Variants in TOX3 observed in about 807,000 individuals in gnomAD.
TOX3 encodes the protein TOX high mobility group box family member 3, also known as CAG trinucleotide repeat-containing gene F9 protein.
In TOX3, 22 loss-of-function variants were observed where a neutral mutation model predicts 64.3. That is an observed-to-expected ratio of 0.34 (90% CI 0.24 to 0.49). TOX3 has a LOEUF of 0.49. Among genes scored for constraint, TOX3 ranks in the 20% least tolerant of loss-of-function variants. The pLI, the probability that TOX3 is intolerant of heterozygous loss-of-function variation, is 0.99. For missense variants in TOX3, 661 were observed against 714.4 expected (o/e 0.93, Z 0.85); for synonymous variants, 291 against 273.6 (o/e 1.06, Z -0.63).
chr16:52,483,242 T>C (rs75464656), intron 1 of TOX3, among the ~76,000 whole-genome samples: 3,857 of 152,268 alleles, frequency 0.025, 133 homozygotes, highest in East Asian at 0.19. Flanking sequence ...ACACTGAATA[T>C]CTTAATGCAC....
In TOX3 at chr16:52,463,959, A is replaced by G; in HGVS notation, c.383T>C (p.Val128Ala). 2 of 1,576,632 alleles carry G rather than the reference A, an allele frequency of 1.3e-6. No individual in the cohort carries two copies. Among genetic ancestry groups the G allele is most frequent in the Non-Finnish European group, 1.7e-6 (2 of 1,159,356 alleles). ...CATATGCAACCCACTGCTATGAAGC[A>G]CGCCATCTTGTTCCACGAGATTTCT... ...ISRNLVEQDG[V>A]LHSSGLHMDQ... is the part of the protein sequence containing the mutation. The change falls in exon 3 of 7, where the codon GTG (valine) becomes GCG (alanine). Residue 128 changes from valine (V) to alanine (A), a missense_variant. Val to Ala is a moderately conservative substitution (Grantham distance 64, BLOSUM62 0). Coordinates refer to ENST00000219746, the MANE Select transcript of TOX3 (RefSeq NM_001080430.4).
At chr16:52,452,228 G>A (rs2151747460) in intron 3 of TOX3, among the ~76,000 whole-genome samples, 1 of 152,330 alleles carries the variant, frequency 6.6e-6, no homozygotes, top group East Asian at 1.9e-4. Flanking sequence ...GCAAGGAGGG[G>A]AGAGTTTCAA....
intron 1 of TOX3, among the ~76,000 whole-genome samples, chr16:52,514,209 G>A (rs1301604589): frequency 1.3e-5 from 2 of 152,168 alleles, no homozygotes; most frequent in African/African-American, 4.8e-5. Context: ...AAATAATGGA[G>A]TCAAATCCTG....
intron 1 of TOX3, among the ~76,000 whole-genome samples, chr16:52,485,135 ATGTGTGTATATG>A (rs891872878): frequency 9.2e-5 from 10 of 108,606 alleles, no homozygotes; most frequent in Admixed American, 7.2e-4. Context: ...GTGTATACAT[ATGTGTGTATATG>A]TGTGTGTATA....
intron 2 of TOX3, 46 bp from the exon 3 acceptor site, chr16:52,464,234 T>C (rs1167281131): frequency 7.2e-7 from 1 of 1,395,856 alleles, no homozygotes; most frequent in Non-Finnish European, 9.4e-7. Context: ...TGTTCCTATA[T>C]CTTATTCCTC....
intron 4 of TOX3, among the ~76,000 whole-genome samples, chr16:52,449,955 A>T (rs1000431780): frequency 6.6e-6 from 1 of 152,236 alleles, no homozygotes; most frequent in South Asian, 2.1e-4. Flanking sequence ...AATTTCTGGA[A>T]TGTCTAGAAT....
chr16:52,537,344 C>T (rs554806005), intron 1 of TOX3, among the ~76,000 whole-genome samples: 121 of 152,276 alleles, frequency 7.9e-4, no homozygotes, highest in African/African-American at 2.8e-3. Flanking sequence ...ATAGAATATC[C>T]AGGTGACCTA....
chr16:52,496,950 A>G (rs1009927682), intron 1 of TOX3, among the ~76,000 whole-genome samples: 2 of 152,004 alleles, frequency 1.3e-5, no homozygotes, highest in Non-Finnish European at 2.9e-5. Flanking sequence ...CAAAAACAAA[A>G]CCCCTGCAAT....
Position 52,508,581 on chromosome 16 carries a change from G to A in TOX3, c.87+38056C>T, listed in dbSNP as rs573363477. 2.3e-4 allele frequency among the ~76,000 whole-genome samples: 35 copies of A among 152,036 alleles called. No homozygotes were observed. The Middle Eastern group carries it at 0.014, about 59-fold the overall frequency. ...ATCATTCCACTTATAAAGAAACCAG[G>A]AATATGTACAACTAAGCAATATATT... On this transcript the variant is annotated intron_variant, in intron 1 of 6. Coordinates refer to ENST00000219746, the MANE Select transcript of TOX3 (RefSeq NM_001080430.4).
intron 1 of TOX3, among the ~76,000 whole-genome samples, chr16:52,536,935 T>G (rs891452506): frequency 4.0e-5 from 6 of 151,846 alleles, no homozygotes; most frequent in African/African-American, 1.5e-4. Context: ...TTCAGCCATC[T>G]TCCCTTTCTT....
chr16:52,495,195 T>C (rs78592318), intron 1 of TOX3, among the ~76,000 whole-genome samples: 3,896 of 152,282 alleles, frequency 0.026, 135 homozygotes, highest in East Asian at 0.19. Flanking sequence ...TAAGACATCA[T>C]AATAAAACTT....
At chr16:52,498,553 C>T (rs1961912445) in intron 1 of TOX3, among the ~76,000 whole-genome samples, 1 of 152,140 alleles carries the variant, frequency 6.6e-6, no homozygotes, top group Non-Finnish European at 1.5e-5. Flanking sequence ...GACCTGCCTC[C>T]CAACATCCCT....
At chr16:52,471,667 G>A (rs1390977991) in intron 1 of TOX3, among the ~76,000 whole-genome samples, 6 of 152,244 alleles carry the variant, frequency 3.9e-5, no homozygotes, top group Non-Finnish European at 5.9e-5. Flanking sequence ...AAACTTCAAT[G>A]CCTCCTAATC....
intron 1 of TOX3, among the ~76,000 whole-genome samples, chr16:52,544,322 C>A (rs1190220307): frequency 6.6e-6 from 1 of 152,148 alleles, no homozygotes; most frequent in Non-Finnish European, 1.5e-5. Context: ...TTAATACTTC[C>A]TCTTCTACTA....
chr16:52,517,128 T>A (rs1962480776), intron 1 of TOX3, among the ~76,000 whole-genome samples: 1 of 152,200 alleles, frequency 6.6e-6, no homozygotes, highest in East Asian at 1.9e-4. Context: ...CCATAATACA[T>A]GGCAGAAACA....
chr16:52,505,748 AG>A (rs1438985770), intron 1 of TOX3, among the ~76,000 whole-genome samples: 1 of 152,200 alleles, frequency 6.6e-6, no homozygotes, highest in Non-Finnish European at 1.5e-5. Flanking sequence ...AGATCGAGGC[AG>A]GCAGATCACT....
intron 1 of TOX3, among the ~76,000 whole-genome samples, chr16:52,511,853 T>C (rs1339493948): frequency 1.3e-5 from 2 of 152,174 alleles, no homozygotes; most frequent in Admixed American, 6.5e-5. Context: ...AAATATTTAA[T>C]GTAAAGTCAT....
At chr16:52,535,061 A>G (rs1168467512) in intron 1 of TOX3, among the ~76,000 whole-genome samples, 1 of 152,214 alleles carries the variant, frequency 6.6e-6, no homozygotes, top group Admixed American at 6.5e-5. Context: ...CTCTCACCAA[A>G]AGAGGATCAT....
Position 52,437,055 on chromosome 16 carries a change from C to T in TOX3, c.*2170G>A, listed in dbSNP as rs978679478. ...ACTTCTGAAGGATCTGATGCTAGCACATCATTTCTTTGTGGAATACAATCA... is the reference window on the plus strand; with the variant it reads ...ACTTCTGAAGGATCTGATGCTAGCATATCATTTCTTTGTGGAATACAATCA... On this transcript the variant is annotated 3_prime_UTR_variant, in exon 7 of 7. Transcript: ENST00000219746. 7 of 152,196 alleles carry T rather than the reference C, an allele frequency of 4.6e-5. No homozygotes were observed. Among genetic ancestry groups the T allele is most frequent in the African/African-American group, 1.7e-4 (7 of 41,464 alleles). The allele number at this position is 152,196 out of a possible 1,614,324, so 9.4% of individuals were successfully genotyped here. A position where few individuals can be genotyped will look rare whatever the true frequency, so the allele number is the denominator to read the frequency against.
Sources: gnomAD v4.1 joint callset for allele counts (sites outside exome capture counted in the v4.1 genomes callset) on GRCh38, gnomAD v4.1.1 for gene constraint, MANE v1.5 for transcripts, NCBI Gene and HGNC (gene_info 2026-07-23, HGNC 2026-07-21) for gene names.